RAB38: variants seen among roughly 807,000 people sequenced by gnomAD.
The protein encoded by RAB38 is RAB38, member RAS oncogene family.
Under a neutral mutation model 18.4 loss-of-function variants are expected in RAB38, and 15 were observed. The ratio of observed to expected loss-of-function variants is 0.82; its 90% CI spans 0.55 to 1.26. The LOEUF is 1.26. Ranked by LOEUF, RAB38 falls within the 50% of genes most tolerant of loss-of-function variation. The pLI, the probability that RAB38 is intolerant of heterozygous loss-of-function variation, is 0.00. For missense variants in RAB38, 294 were observed against 267.4 expected, an observed-to-expected ratio of 1.10 and a Z score of -0.69; for synonymous variants, 101 against 104.4, an observed-to-expected ratio of 0.97 and a Z score of 0.20.
chr11:87,947,613 C>G, the RAB38 span, among the ~76,000 whole-genome samples: 2 of 152,064 alleles, frequency 1.3e-5, no homozygotes, highest in Non-Finnish European at 2.9e-5. Context: ...ATATGGCTAG[C>G]CAGTTTTCCC....
Position 88,175,197 on chromosome 11 carries a change from A to G in RAB38, c.188T>C (p.Leu63Pro), listed in dbSNP as rs1040319754. 1.2e-6 allele frequency: 2 copies of G among 1,610,738 alleles called. No individual in the cohort carries two copies. The highest frequency in any genetic ancestry group is 1.7e-6 in the Non-Finnish European group (2 of 1,178,438). Reference sequence around the variant, plus strand: ...CCCGCGCTCACCTGCGATATCCCAGAGCTGCAGGCGCACCACAGTCTCCGG... The same window carrying G: ...CCCGCGCTCACCTGCGATATCCCAGGGCTGCAGGCGCACCACAGTCTCCGG... Reference protein sequence around the residue: ...WDPETVVRLQLWDIAGQERFG... With the variant: ...WDPETVVRLQPWDIAGQERFG... The change falls in exon 1 of 3, where the codon CTC (leucine) becomes CCC (proline). Residue 63 changes from leucine to proline, a missense_variant. Coordinates refer to ENST00000243662, the MANE Select transcript of RAB38 (RefSeq NM_022337.3).
the RAB38 span, among the ~76,000 whole-genome samples, chr11:87,976,655 T>C: frequency 4.4e-5 from 1 of 22,516 alleles, no homozygotes; most frequent in Non-Finnish European, 8.8e-5. Context: ...GATATATAAA[T>C]ATATATAATT....
chr11:88,102,410 A>C, the RAB38 span, among the ~76,000 whole-genome samples: 2,565 of 152,086 alleles, frequency 0.017, 71 homozygotes, highest in African/African-American at 0.059. Flanking sequence ...TCTCAGCTTC[A>C]TGTCGACATT....
At chr11:88,173,883 A>G (rs923903674) in intron 1 of RAB38, 4 of 985,460 alleles carry the variant, frequency 4.1e-6, no homozygotes, top group South Asian at 4.7e-5. Context: ...AAGAGGCACG[A>G]AAGTCCCCAG....
chr11:87,861,368 CAT>C, the RAB38 span, among the ~76,000 whole-genome samples: 6 of 151,988 alleles, frequency 3.9e-5, 1 homozygote, highest in South Asian at 4.2e-4. Flanking sequence ...AAGTTTTAAA[CAT>C]GTGAAAAATC....
chr11:88,132,186 T>C (rs1942774189), intron 2 of RAB38, among the ~76,000 whole-genome samples: 1 of 152,208 alleles, frequency 6.6e-6, no homozygotes, highest in South Asian at 2.1e-4. Flanking sequence ...TGTGTTATTC[T>C]AAGCTGTCAA....
the RAB38 span, among the ~76,000 whole-genome samples, chr11:88,079,300 A>G: frequency 1.3e-5 from 2 of 151,858 alleles, no homozygotes; most frequent in African/African-American, 4.8e-5. Flanking sequence ...TTATTCAAAA[A>G]TGTCAAAAAG....
the RAB38 span, among the ~76,000 whole-genome samples, chr11:87,862,315 A>G: frequency 3.9e-5 from 6 of 152,010 alleles, no homozygotes; most frequent in African/African-American, 1.4e-4. Flanking sequence ...TACACCATGG[A>G]ATACTATGCA....
At chr11:87,976,682 T>TTATATAATATAA in the RAB38 span, among the ~76,000 whole-genome samples, 1 of 108,890 alleles carries the variant, frequency 9.2e-6, no homozygotes, top group African/African-American at 3.9e-5. Flanking sequence ...GATATATATT[T>TTATATAATATAA]ATATATTTAC....
intron 2 of RAB38, among the ~76,000 whole-genome samples, chr11:88,131,793 G>A (rs1387763053): frequency 3.3e-5 from 5 of 152,300 alleles, no homozygotes; most frequent in African/African-American, 1.2e-4. Flanking sequence ...CCTATGAATA[G>A]GACAGCATAG....
At chr11:87,943,974 GT>G in the RAB38 span, among the ~76,000 whole-genome samples, 1 of 152,078 alleles carries the variant, frequency 6.6e-6, no homozygotes, top group Non-Finnish European at 1.5e-5. Flanking sequence ...AATTCAAAAA[GT>G]TTTTCCCTCA....
At chr11:88,129,653 A>G (rs182165235) in intron 2 of RAB38, among the ~76,000 whole-genome samples, 103 of 152,262 alleles carry the variant, frequency 6.8e-4, no homozygotes, top group African/African-American at 2.4e-3. Context: ...CAAAACAAAC[A>G]AACAAACAAA....
At chr11:88,045,660 G>T in the RAB38 span, among the ~76,000 whole-genome samples, 1 of 152,190 alleles carries the variant, frequency 6.6e-6, no homozygotes, top group African/African-American at 2.4e-5. Flanking sequence ...AGCGGCTGAC[G>T]ATCGACGCTG....
At chr11:88,106,157 C>T in the RAB38 span, among the ~76,000 whole-genome samples, 2 of 151,346 alleles carry the variant, frequency 1.3e-5, no homozygotes, top group African/African-American at 2.4e-5. Context: ...TTTTTTATTT[C>T]TGGTTTCCAT....
the RAB38 span, among the ~76,000 whole-genome samples, chr11:87,941,214 GAT>G: frequency 7.2e-3 from 451 of 62,570 alleles, 16 homozygotes; most frequent in Middle Eastern, 0.034. Flanking sequence ...AAATATATGA[GAT>G]ATATATATAT....
chr11:88,108,890 T>A (rs1222586983), downstream of RAB38, among the ~76,000 whole-genome samples: 2 of 152,192 alleles, frequency 1.3e-5, no homozygotes, highest in Non-Finnish European at 2.9e-5. Context: ...TCTCCTTTGC[T>A]TATGAATCTT....
the RAB38 span, among the ~76,000 whole-genome samples, chr11:87,921,567 A>AAT: frequency 1.3e-5 from 2 of 148,156 alleles, no homozygotes; most frequent in Admixed American, 1.4e-4. Flanking sequence ...TATTATATAT[A>AAT]ATATATATTA....
chr11:88,094,854 C>T, the RAB38 span, among the ~76,000 whole-genome samples: 1 of 151,900 alleles, frequency 6.6e-6, no homozygotes, highest in South Asian at 2.1e-4. Flanking sequence ...TTCCTACTTT[C>T]TTAGAAGATT....
chr11:88,029,875 A>G, the RAB38 span, among the ~76,000 whole-genome samples: 11 of 152,150 alleles, frequency 7.2e-5, no homozygotes, highest in East Asian at 7.7e-4. Flanking sequence ...TGCACCAAGC[A>G]GACCTAATAG....
Sources: gnomAD v4.1 joint callset for allele counts (sites outside exome capture counted in the v4.1 genomes callset) on GRCh38, gnomAD v4.1.1 for gene constraint, MANE v1.5 for transcripts, NCBI Gene and HGNC (gene_info 2026-07-23, HGNC 2026-07-21) for gene names.